PCDHA11: variants seen among roughly 807,000 people sequenced by gnomAD.
The protein encoded by PCDHA11 is protocadherin alpha 11, also known as protocadherin alpha-11.
In PCDHA11, 61 loss-of-function variants were observed where a neutral mutation model predicts 70.3. The ratio of observed to expected loss-of-function variants is 0.87; its 90% CI spans 0.71 to 1.07. PCDHA11 has a LOEUF of 1.07. Ranked by LOEUF, PCDHA11 falls within the 50% of genes least tolerant of loss-of-function variation. The pLI, the probability that PCDHA11 is intolerant of heterozygous loss-of-function variation, is 0.00. For synonymous variants in PCDHA11, 633 were observed against 555.1 expected (o/e 1.14, Z -1.97); for missense variants, 1,324 against 1,237.5 (o/e 1.07, Z -1.05).
intron 1 of PCDHA11, chr5:140,877,773 G>A (rs1554170103): frequency 2.5e-6 from 4 of 1,614,166 alleles, no homozygotes; most frequent in South Asian, 2.2e-5. Flanking sequence ...CGCCCAAGAC[G>A]GACCTCATGG....
At chr5:140,898,235 T>G (rs1386232934) in intron 1 of PCDHA11, among the ~76,000 whole-genome samples, 1 of 152,220 alleles carries the variant, frequency 6.6e-6, no homozygotes, top group Non-Finnish European at 1.5e-5. Flanking sequence ...TGCCATTGCT[T>G]TTGGTGTTTT....
Position 140,892,378 on chromosome 5 carries a change from A to G in PCDHA11, c.2391+20884A>G, listed in dbSNP as rs13360703. 4.7e-3 allele frequency among the ~76,000 whole-genome samples: 722 copies of G among 152,344 alleles called. 7 individuals are homozygous for G. Among genetic ancestry groups the G allele is most frequent in the African/African-American group, 0.016 (672 of 41,584 alleles). On this transcript the variant is annotated intron_variant, in intron 1 of 3. Coordinates refer to ENST00000398640, the MANE Select transcript of PCDHA11 (RefSeq NM_018902.5). Reference sequence around the variant, plus strand: ...CAGGCATCTTGGGGCACTAGCAATCATGGGTAATCTTAATCTATTTCAAGC... The same window carrying G: ...CAGGCATCTTGGGGCACTAGCAATCGTGGGTAATCTTAATCTATTTCAAGC...
intron 3 of PCDHA11, among the ~76,000 whole-genome samples, chr5:141,008,415 C>T (rs782593921): frequency 2.0e-5 from 3 of 152,138 alleles, no homozygotes; most frequent in Non-Finnish European, 4.4e-5. Flanking sequence ...ATGTCATGGC[C>T]ACTGGGATCA....
intron 1 of PCDHA11, among the ~76,000 whole-genome samples, chr5:140,958,973 ATTAG>A (rs2095457294): frequency 1.3e-5 from 2 of 152,038 alleles, no homozygotes; most frequent in African/African-American, 2.4e-5. Flanking sequence ...CTATTTTATT[ATTAG>A]TTATTGTTGC....
intron 3 of PCDHA11, among the ~76,000 whole-genome samples, chr5:140,997,872 C>G (rs1053678533): frequency 6.6e-6 from 1 of 152,094 alleles, no homozygotes; most frequent in African/African-American, 2.4e-5. Context: ...TGCATGCTTG[C>G]TAGTATTTAT....
intron 3 of PCDHA11, among the ~76,000 whole-genome samples, chr5:140,998,568 A>AG (rs1167593072): frequency 3.1e-5 from 3 of 96,370 alleles, no homozygotes; most frequent in African/African-American, 1.3e-4. Context: ...ATTGTAAATA[A>AG]GTTTTTTTTT....
chr5:140,971,451 T>C (rs1442240847), intron 1 of PCDHA11, among the ~76,000 whole-genome samples: 2 of 152,110 alleles, frequency 1.3e-5, no homozygotes, highest in East Asian at 1.9e-4. Flanking sequence ...GCTCCAGAAA[T>C]TTTTGCAGTT....
In PCDHA11 at chr5:141,010,293, GC is replaced by G; in HGVS notation, c.*357del. The G allele has an allele frequency of 6.5e-7, 1 of 1,549,794 alleles. No individual in the cohort carries two copies. The highest frequency in any genetic ancestry group is 8.7e-7 in the Non-Finnish European group (1 of 1,146,454). On this transcript the variant is annotated 3_prime_UTR_variant, in exon 4 of 4. Transcript: ENST00000398640. ...ATCCTGTCTTGATGACACTTGCAGG[GC>G]AGGCTGAAAAGTTTTGAGATTGAGC...
intron 3 of PCDHA11, among the ~76,000 whole-genome samples, chr5:141,006,649 G>A (rs1377970510): frequency 2.6e-5 from 4 of 152,176 alleles, no homozygotes; most frequent in Admixed American, 2.0e-4. Context: ...AGAGATGATG[G>A]TGTCCTGAAA....
At chr5:140,941,185 C>CTTTT (rs782102770) in intron 1 of PCDHA11, among the ~76,000 whole-genome samples, 28 of 102,174 alleles carry the variant, frequency 2.7e-4, no homozygotes, top group African/African-American at 6.8e-4. Flanking sequence ...CATCCTGCTT[C>CTTTT]TTTTTTTTTC....
intron 1 of PCDHA11, chr5:140,967,112 C>G: frequency 6.2e-7 from 1 of 1,612,994 alleles, no homozygotes; most frequent in Non-Finnish European, 8.5e-7. Context: ...GCAGCGGCCT[C>G]GCTGCCTGCT....
At chr5:140,944,694 T>C (rs2093685448) in intron 1 of PCDHA11, among the ~76,000 whole-genome samples, 1 of 152,190 alleles carries the variant, frequency 6.6e-6, no homozygotes, top group African/African-American at 2.4e-5. Context: ...TTAATAACAG[T>C]AATTATCAGG....
At chr5:140,902,594 A>G (rs1208012043) in intron 1 of PCDHA11, among the ~76,000 whole-genome samples, 1 of 152,112 alleles carries the variant, frequency 6.6e-6, no homozygotes, top group Non-Finnish European at 1.5e-5. Context: ...TTTGGGAAAC[A>G]GGTCGTTTTC....
rs782464928 is a variant in PCDHA11, at chr5:140,870,504, C to T, written c.1401C>T (p.Asn467=). Residue 467 remains asparagine, a synonymous_variant, in exon 1 of 4, where the codon AAC becomes AAT. Coordinates refer to ENST00000398640, the MANE Select transcript of PCDHA11 (RefSeq NM_018902.5). ...ACACCGTGTTCGTGAAGGAGAACAA[C>T]CCACCAGGCTGCCACATCTTCACAG... ...PEYTVFVKEN[N]PPGCHIFTVS... 8.1e-6 allele frequency: 13 copies of T among 1,614,114 alleles called. No homozygotes were observed. Among genetic ancestry groups the T allele is most frequent in the Middle Eastern group, 3.3e-4 (2 of 6,084 alleles).
chr5:140,933,244 A>G (rs1218658347), intron 1 of PCDHA11, among the ~76,000 whole-genome samples: 3 of 152,038 alleles, frequency 2.0e-5, no homozygotes, highest in African/African-American at 4.8e-5. Context: ...AGAAAGGACT[A>G]TAAACACAAA....
At chr5:140,953,413 C>T (rs965115726) in intron 1 of PCDHA11, among the ~76,000 whole-genome samples, 1 of 152,120 alleles carries the variant, frequency 6.6e-6, no homozygotes, top group Non-Finnish European at 1.5e-5. Context: ...GCTCCTGGCT[C>T]CTCCCCTTTG....
intron 1 of PCDHA11, among the ~76,000 whole-genome samples, chr5:140,962,085 C>T (rs565561726): frequency 2.0e-5 from 3 of 151,950 alleles, no homozygotes; most frequent in Non-Finnish European, 4.4e-5. Context: ...CGGGGTTTCA[C>T]CATGTTAGCC....
chr5:140,911,234 C>T (rs1554194655), intron 1 of PCDHA11, among the ~76,000 whole-genome samples: 1 of 151,890 alleles, frequency 6.6e-6, no homozygotes, highest in East Asian at 1.9e-4. Context: ...TTTCTTCTGG[C>T]AAAAAAAGTT....
chr5:140,944,664 T>A (rs2093679523), intron 1 of PCDHA11, among the ~76,000 whole-genome samples: 1 of 152,202 alleles, frequency 6.6e-6, no homozygotes, highest in South Asian at 2.1e-4. Context: ...ACCCCTTATT[T>A]ATCTATTCTG....
Sources: allele counts gnomAD v4.1 joint callset (sites outside exome capture counted in the v4.1 genomes callset), GRCh38; gene constraint gnomAD v4.1.1; transcripts MANE v1.5; gene names NCBI Gene and HGNC (gene_info 2026-07-23, HGNC 2026-07-21).